Variants in FREM2 observed in about 807,000 individuals in gnomAD.
The protein encoded by FREM2 is FRAS1-related extracellular matrix protein 2.
FREM2 carries 119 observed loss-of-function variants against 219.9 expected under a neutral mutation model. That is an observed-to-expected ratio of 0.54 (90% confidence interval 0.47 to 0.63). The LOEUF (loss-of-function observed/expected upper bound fraction) is 0.63, where lower values mean the gene tolerates loss of function less well. FREM2 is among the 30% of genes least tolerant of loss of function. FREM2 has a pLI of 0.00. For synonymous variants in FREM2, 1,562 were observed against 1,522.8 expected (o/e 1.03, Z -0.60); for missense variants, 4,030 against 3,993.6 (o/e 1.01, Z -0.25).
chr13:38,765,951 G>C (rs1684620480), intron 3 of FREM2, among the ~76,000 whole-genome samples: 1 of 152,154 alleles, frequency 6.6e-6, no homozygotes, highest in African/African-American at 2.4e-5. Context: ...CTGTGCACAT[G>C]TGCACATCCT....
chr13:38,851,723 C>T lies in FREM2; in HGVS notation c.6780C>T (p.Val2260=). ...VIKFGETKFS[V]TEPKEPGESV... ...AATTTGGAGAAACCAAATTTAGTGTCACTGAACCCAAAGAACCTGGAGAGT... is the reference window on the plus strand; with the variant it reads ...AATTTGGAGAAACCAAATTTAGTGTTACTGAACCCAAAGAACCTGGAGAGT... Residue 2260 remains valine, a synonymous_variant, in exon 11 of 24, where the codon GTC becomes GTT. Transcript: ENST00000280481. 1.2e-6 allele frequency: 2 copies of T among 1,613,424 alleles called. No homozygotes were observed. Among genetic ancestry groups the T allele is most frequent in the Non-Finnish European group, 1.7e-6 (2 of 1,179,422 alleles).
At position 38,880,265 on chromosome 13, in the gene FREM2, A is replaced by G. The variant is rs755611889; in HGVS notation, c.9007-19A>G. On this transcript the variant is annotated intron_variant, in intron 23 of 23. Coordinates refer to ENST00000280481, the MANE Select transcript of FREM2 (RefSeq NM_207361.6). ...CATGGTATCTAGTATTTCCTAATAA[A>G]TAGAGTTGTGCTTTCTAGGTCGCTC... is the stretch of plus-strand genomic sequence containing the variant. 6.2e-7 allele frequency: 1 copy of G among 1,611,870 alleles called. No individual in the cohort carries two copies. Among genetic ancestry groups the G allele is most frequent in the Non-Finnish European group, 8.5e-7 (1 of 1,178,906 alleles).
chr13:38,845,111 G>C (rs1371188361), intron 6 of FREM2, among the ~76,000 whole-genome samples: 1 of 152,196 alleles, frequency 6.6e-6, no homozygotes, highest in East Asian at 1.9e-4. Context: ...TCTAAGGTTG[G>C]TTTTCTACTA....
At chr13:38,722,633 G>A (rs1871328362) in intron 2 of FREM2, among the ~76,000 whole-genome samples, 1 of 151,992 alleles carries the variant, frequency 6.6e-6, no homozygotes, top group East Asian at 1.9e-4. Context: ...AGGTCTGGAT[G>A]GGATTCAGGC....
chr13:38,861,462 T>G lies in FREM2; in HGVS notation c.7551T>G (p.Val2517=). The G allele has an allele frequency of 6.2e-7, 1 of 1,611,436 alleles. No homozygotes were observed. Among genetic ancestry groups the G allele is most frequent in the South Asian group, 1.1e-5 (1 of 91,024 alleles). Reference sequence around the variant, plus strand: ...GTCAGCCCCGTGTACCTGGGGTTGTTGGAGCAGAGCCGTTCTCAGCTAAAT... The same window carrying G: ...GTCAGCCCCGTGTACCTGGGGTTGTGGGAGCAGAGCCGTTCTCAGCTAAAT... The part of the protein sequence containing the change: ...GLCQPRVPGV[V]GAEPFSAKLR... Residue 2517 remains valine, a synonymous_variant, in exon 15 of 24, where the codon GTT becomes GTG. Coordinates refer to ENST00000280481, the MANE Select transcript of FREM2 (RefSeq NM_207361.6).
chr13:38,877,160 T>C lies in FREM2; in HGVS notation c.8588T>C (p.Met2863Thr). 1 of 1,614,114 alleles carries C rather than the reference T, an allele frequency of 6.2e-7. No individual in the cohort carries two copies. Among genetic ancestry groups the C allele is most frequent in the East Asian group, 2.2e-5 (1 of 44,882 alleles). ...VAAEFSLNTQMYLLSKKSLWL... is the reference protein window; with the variant it reads ...VAAEFSLNTQTYLLSKKSLWL... Reference sequence around the variant, plus strand: ...GCTGAGTTTAGCTTGAACACCCAAATGTACCTGCTCTCTAAGAAGAGTCTC... The same window carrying C: ...GCTGAGTTTAGCTTGAACACCCAAACGTACCTGCTCTCTAAGAAGAGTCTC... The change falls in exon 21 of 24, where the codon ATG (methionine) becomes ACG (threonine). Residue 2863 changes from methionine (M) to threonine (T), a missense_variant. By Grantham distance (81) the Met-to-Thr change is moderately conservative. This residue lies in a region of FREM2 where 928 missense variants were observed against 1,042.9 expected (regional missense o/e 0.89). Coordinates refer to ENST00000280481, the MANE Select transcript of FREM2 (RefSeq NM_207361.6).
intron 2 of FREM2, among the ~76,000 whole-genome samples, chr13:38,709,093 T>G (rs1265848143): frequency 6.6e-6 from 1 of 152,186 alleles, no homozygotes; most frequent in Non-Finnish European, 1.5e-5. Flanking sequence ...ATTCAGACTC[T>G]TCCCATGTTG....
At chr13:38,876,974 T>A (rs1358498602) in intron 20 of FREM2, 143 bp from the exon 21 acceptor site, 6 of 996,866 alleles carry the variant, frequency 6.0e-6, no homozygotes, top group Non-Finnish European at 9.5e-6. Flanking sequence ...TACAACTCTC[T>A]GAGTTAGCTT....
rs1873574514 is a variant in FREM2, at chr13:38,769,655, C to A, written c.5488C>A (p.Pro1830Thr). ...AGCACAGAAACAAGTGCAGTTCAAC[C>A]CAGGCCAGACCAGGGCCACATGGCG... Reference protein sequence around the residue: ...GKAQKQVQFNPGQTRATWRVR... With the variant: ...GKAQKQVQFNTGQTRATWRVR... Residue 1830 changes from proline (P) to threonine (T), a missense_variant, in exon 4 of 24, where the codon CCA (proline) becomes ACA (threonine). This residue lies in a region of FREM2 where 3,102 missense variants were observed against 2,950.7 expected (regional missense o/e 1.05). Coordinates refer to ENST00000280481, the MANE Select transcript of FREM2 (RefSeq NM_207361.6). The A allele has an allele frequency of 6.2e-7, 1 of 1,614,002 alleles. No homozygotes were observed. Among genetic ancestry groups the A allele is most frequent in the Non-Finnish European group, 8.5e-7 (1 of 1,180,012 alleles).
At chr13:38,858,098 A>G in intron 13 of FREM2, 65 bp downstream of exon 13, 1 of 1,338,452 alleles carries the variant, frequency 7.5e-7, no homozygotes, top group Non-Finnish European at 1.1e-6. Flanking sequence ...ATTATAATCA[A>G]TATAGCATTG....
rs2138070304 is a variant in FREM2 at position 38,691,298 on chromosome 13, T to TA, written c.3955dup (p.Thr1319AsnfsTer44). On this transcript the variant is annotated frameshift_variant, in exon 1 of 24. Coordinates refer to ENST00000280481, the MANE Select transcript of FREM2 (RefSeq NM_207361.6). LOFTEE classifies it high-confidence loss of function. ...ATGGACTAGAAATAGAAATTGGGGA[T>TA]ACCAAGATTATCAACAACAAAATAT... 4.3e-6 allele frequency: 7 copies of TA among 1,614,060 alleles called. No individual in the cohort carries two copies. The highest frequency in any genetic ancestry group is 5.9e-6 in the Non-Finnish European group (7 of 1,179,908).
chr13:38,879,045 C>A, intron 23 of FREM2, 68 bp downstream of exon 23: 3 of 1,363,386 alleles, frequency 2.2e-6, no homozygotes, highest in Non-Finnish European at 3.2e-6. Context: ...CATTTATATG[C>A]CTCAGATGTC....
chr13:38,687,326 A>C lies in FREM2; in HGVS notation c.-19A>C, dbSNP rs533517944. The C allele has an allele frequency of 1.1e-5, 18 of 1,586,546 alleles. No homozygotes were observed. In the East Asian group the frequency reaches 3.7e-4, roughly 33 times the overall value. ...CGCATGCTCTCAGGCTGACCTGTCC[A>C]AGCCCGAACACCGGGACCATGCACT... On this transcript the variant is annotated 5_prime_UTR_variant, in exon 1 of 24. Transcript: ENST00000280481.
chr13:38,691,902 C>G lies in FREM2; in HGVS notation c.4558C>G (p.Arg1520Gly), dbSNP rs142322683. ...QVTDGRNPVF[R>G]TFRISISDVD... ...CACCGATGGACGTAACCCTGTCTTT[C>G]GGACATTCCGTATCTCCATTAGCGA... Residue 1520 changes from arginine to glycine, a missense_variant, in exon 1 of 24, where the codon CGG becomes GGG. Arg to Gly is a moderately radical substitution (Grantham distance 125, BLOSUM62 -2). Transcript: ENST00000280481. 1 of 1,614,134 alleles carries G rather than the reference C, an allele frequency of 6.2e-7. No homozygotes were observed. The highest frequency in any genetic ancestry group is 8.5e-7 in the Non-Finnish European group (1 of 1,180,018).
At chr13:38,867,229 C>T (rs1434504109) in intron 16 of FREM2, among the ~76,000 whole-genome samples, 1 of 152,172 alleles carries the variant, frequency 6.6e-6, no homozygotes, top group East Asian at 1.9e-4. Context: ...AGAATTACAA[C>T]ATAATTCAGT....
rs1489516590 is a variant in FREM2 at position 38,689,219 on chromosome 13, C to T, written c.1875C>T (p.Leu625=). 2.9e-5 allele frequency: 47 copies of T among 1,613,986 alleles called. No homozygotes were observed. Among genetic ancestry groups the T allele is most frequent in the Non-Finnish European group, 4.0e-5 (47 of 1,180,028 alleles). ...CTCCCCATGAGAAGCAGGAACTTCT[C>T]AGAGGCCTTTGGAGGAAGGAGGGGG... The part of the protein sequence containing the change: ...THPPHEKQEL[L]RGLWRKEGAF... Residue 625 remains leucine (L), a synonymous_variant, in exon 1 of 24, where the codon CTC becomes CTT. Transcript: ENST00000280481.
chr13:38,720,390 G>A (rs1350146865), intron 2 of FREM2, among the ~76,000 whole-genome samples: 1 of 152,172 alleles, frequency 6.6e-6, no homozygotes, highest in Non-Finnish European at 1.5e-5. Flanking sequence ...TGACTTCATA[G>A]TATATGCCAG....
intron 15 of FREM2, among the ~76,000 whole-genome samples, chr13:38,863,001 A>G (rs9315622): frequency 0.25 from 38,518 of 151,974 alleles, 6,094 homozygotes; most frequent in African/African-American, 0.44. Context: ...TTATGGAACA[A>G]ATTTTCAGTC....
chr13:38,775,519 G>A (rs1873838485), intron 4 of FREM2, among the ~76,000 whole-genome samples: 1 of 152,174 alleles, frequency 6.6e-6, no homozygotes, highest in South Asian at 2.1e-4. Flanking sequence ...CAAAAAAGGT[G>A]CAAAATAAAA....
Sources: allele counts gnomAD v4.1 joint callset (sites outside exome capture counted in the v4.1 genomes callset), GRCh38; gene constraint gnomAD v4.1.1; regional missense constraint gnomAD v4.1.1; transcripts MANE v1.5; gene names NCBI Gene and HGNC (gene_info 2026-07-23, HGNC 2026-07-21).